VRK2: variants seen among roughly 807,000 people sequenced by gnomAD.
VRK2 encodes serine/threonine-protein kinase VRK2.
Under a neutral mutation model 57.6 loss-of-function variants are expected in VRK2, and 60 were observed. The observed-to-expected ratio is 1.04, with a 90% CI of 0.85 to 1.29. The LOEUF is 1.29. VRK2 is among the 50% of genes most tolerant of loss of function. The pLI is 0.00. For missense variants in VRK2, 705 were observed against 588.1 expected, an observed-to-expected ratio of 1.20 and a Z score of -2.06; for synonymous variants, 231 against 199.2, an observed-to-expected ratio of 1.16 and a Z score of -1.35.
At chr2:58,055,378 A>T (rs762831068) in intron 2 of VRK2, among the ~76,000 whole-genome samples, 4 of 152,210 alleles carry the variant, frequency 2.6e-5, no homozygotes, top group Non-Finnish European at 2.9e-5. Context: ...GCTTAAGGTT[A>T]AAGGACATGC....
chr2:58,132,276 C>T (rs17183065), intron 9 of VRK2, among the ~76,000 whole-genome samples: 1,890 of 152,006 alleles, frequency 0.012, 22 homozygotes, highest in Non-Finnish European at 0.02. Flanking sequence ...GAGCTTGGTA[C>T]GATTGATATT....
chr2:58,082,677 C>A (rs1299002339), intron 2 of VRK2, among the ~76,000 whole-genome samples: 3 of 151,788 alleles, frequency 2.0e-5, no homozygotes, highest in Non-Finnish European at 4.4e-5. Flanking sequence ...CTGCAGTTTC[C>A]TTGGGACTAT....
chr2:57,987,978 A>T (rs1235759408), intron 1 of VRK2, among the ~76,000 whole-genome samples: 2 of 152,162 alleles, frequency 1.3e-5, no homozygotes, highest in South Asian at 4.1e-4. Context: ...AAAACAGATC[A>T]GTTGTTACTA....
intron 1 of VRK2, among the ~76,000 whole-genome samples, chr2:57,982,436 G>A (rs987922071): frequency 1.3e-5 from 2 of 152,238 alleles, no homozygotes; most frequent in East Asian, 3.8e-4. Context: ...GACTGAAGCA[G>A]GCTGTAGGCA....
At chr2:57,997,762 G>C (rs1672969884) in intron 1 of VRK2, among the ~76,000 whole-genome samples, 1 of 152,074 alleles carries the variant, frequency 6.6e-6, no homozygotes, top group Non-Finnish European at 1.5e-5. Flanking sequence ...GGCAATGGTG[G>C]GGTGCGCCTG....
At chr2:57,935,548 A>G (rs1474062092) in intron 1 of VRK2, among the ~76,000 whole-genome samples, 1 of 152,154 alleles carries the variant, frequency 6.6e-6, no homozygotes, top group African/African-American at 2.4e-5. Flanking sequence ...GGAGTGAGAC[A>G]CATGGAGTTT....
At chr2:57,929,894 G>T (rs1439931683) in intron 1 of VRK2, among the ~76,000 whole-genome samples, 1 of 152,076 alleles carries the variant, frequency 6.6e-6, no homozygotes, top group Non-Finnish European at 1.5e-5. Flanking sequence ...GTTGGACTCT[G>T]CCTGGTGCCC....
intron 12 of VRK2, among the ~76,000 whole-genome samples, chr2:58,147,800 G>GTT (rs55745402): frequency 7.5e-5 from 10 of 132,726 alleles, no homozygotes; most frequent in African/African-American, 2.2e-4. Context: ...TTCACTCAGT[G>GTT]TTTTTTTTTT....
At chr2:57,996,695 A>G (rs933267008) in intron 1 of VRK2, among the ~76,000 whole-genome samples, 1 of 152,150 alleles carries the variant, frequency 6.6e-6, no homozygotes, top group Non-Finnish European at 1.5e-5. Context: ...AAAGATTGTT[A>G]TTATTATACT....
At chr2:58,044,834 T>C (rs917194849), upstream of VRK2, among the ~76,000 whole-genome samples, 66 of 152,204 alleles carry the variant, frequency 4.3e-4, no homozygotes, top group Non-Finnish European at 1.3e-4. Flanking sequence ...TAGATCAGTG[T>C]TCTTTTCAAC....
At chr2:58,115,934 C>T (rs564607834) in intron 7 of VRK2, among the ~76,000 whole-genome samples, 2 of 152,158 alleles carry the variant, frequency 1.3e-5, no homozygotes, top group South Asian at 2.1e-4. Flanking sequence ...GGATTGTAGA[C>T]GGAGGTTTTG....
chr2:58,138,467 C>T (rs1236405580), intron 10 of VRK2, among the ~76,000 whole-genome samples: 3 of 152,170 alleles, frequency 2.0e-5, no homozygotes, highest in Non-Finnish European at 2.9e-5. Flanking sequence ...ATTTTAACCA[C>T]GTTAGCTTCA....
At chr2:57,976,089 C>T (rs1249779334) in intron 1 of VRK2, among the ~76,000 whole-genome samples, 3 of 152,056 alleles carry the variant, frequency 2.0e-5, no homozygotes, top group Non-Finnish European at 4.4e-5. Flanking sequence ...CTGCAAAGGA[C>T]ATTATTTCAT....
intron 1 of VRK2, among the ~76,000 whole-genome samples, chr2:57,917,775 GAC>G: frequency 6.6e-6 from 1 of 152,010 alleles, no homozygotes; most frequent in South Asian, 2.1e-4. Flanking sequence ...ATACTTTGGA[GAC>G]ACATGTGCAA....
chr2:58,115,865 G>A (rs975760120), intron 7 of VRK2, among the ~76,000 whole-genome samples: 1 of 152,164 alleles, frequency 6.6e-6, no homozygotes, highest in African/African-American at 2.4e-5. Flanking sequence ...AGAGAGGCTG[G>A]GATGAAGGGT....
chr2:58,015,842 T>C (rs536255528), intron 1 of VRK2, among the ~76,000 whole-genome samples: 18 of 152,324 alleles, frequency 1.2e-4, no homozygotes, highest in Non-Finnish European at 1.8e-4. Context: ...TATAGAATAT[T>C]GGAAATTATT....
chr2:57,910,016 A>G (rs1394237077), intron 1 of VRK2, among the ~76,000 whole-genome samples: 1 of 152,174 alleles, frequency 6.6e-6, no homozygotes, highest in African/African-American at 2.4e-5. Context: ...ATAAAAAATA[A>G]AATCTTTTAT....
At chr2:57,982,389 C>T (rs931691751) in intron 1 of VRK2, among the ~76,000 whole-genome samples, 4 of 152,146 alleles carry the variant, frequency 2.6e-5, no homozygotes, top group African/African-American at 9.7e-5. Context: ...GCAGTAGGTC[C>T]CTGCATGCAA....
chr2:58,099,871 C>T (rs1211532488), intron 7 of VRK2, among the ~76,000 whole-genome samples: 1 of 152,018 alleles, frequency 6.6e-6, no homozygotes, highest in Non-Finnish European at 1.5e-5. Flanking sequence ...GAGATTTCAA[C>T]TAAGTGATCT....
Sources: gnomAD v4.1 joint callset for allele counts (sites outside exome capture counted in the v4.1 genomes callset) on GRCh38, gnomAD v4.1.1 for gene constraint, MANE v1.5 for transcripts, NCBI Gene and HGNC (gene_info 2026-07-23, HGNC 2026-07-21) for gene names.